The following DENND5B variants were observed in gnomAD, a reference collection of about 807,000 sequenced individuals.
DENND5B encodes DENN domain containing 5B.
In DENND5B, 34 loss-of-function variants were observed where a neutral mutation model predicts 140.6. That is an observed-to-expected ratio of 0.24 (90% confidence interval 0.18 to 0.32). The LOEUF is 0.32. DENND5B is among the 10% of genes least tolerant of loss of function. DENND5B has a pLI of 1.00. For synonymous variants in DENND5B, 551 were observed against 562.1 expected, an observed-to-expected ratio of 0.98 and a Z score of 0.28; for missense variants, 1,142 against 1,560.2, an observed-to-expected ratio of 0.73 and a Z score of 4.52.
At chr12:31,523,828 G>A (rs1177500329) in intron 1 of DENND5B, among the ~76,000 whole-genome samples, 18 of 152,194 alleles carry the variant, frequency 1.2e-4, no homozygotes, top group Admixed American at 1.2e-3. Context: ...CCCAAGAATA[G>A]ATCTTGAATC....
At chr12:31,413,377 A>T in intron 13 of DENND5B, 59 bp downstream of exon 13, 10 of 1,569,998 alleles carry the variant, frequency 6.4e-6, no homozygotes, top group Non-Finnish European at 8.7e-6. Context: ...AGTTTATGCA[A>T]CTTGTTTTGT....
chr12:31,423,712 T>A, intron 10 of DENND5B, 37 bp from the exon 11 acceptor site: 1 of 1,588,376 alleles, frequency 6.3e-7, no homozygotes, highest in Non-Finnish European at 8.6e-7. Flanking sequence ...TCATAAGAAA[T>A]AATTCATCAA....
intron 1 of DENND5B, among the ~76,000 whole-genome samples, chr12:31,574,527 T>G (rs1364563008): frequency 6.7e-6 from 1 of 150,264 alleles, no homozygotes; most frequent in Non-Finnish European, 1.5e-5. Flanking sequence ...GAGGCGGAGG[T>G]TGCAGTGAGC....
At chr12:31,550,430 T>C (rs541351571) in intron 1 of DENND5B, among the ~76,000 whole-genome samples, 1 of 152,110 alleles carries the variant, frequency 6.6e-6, no homozygotes, top group Non-Finnish European at 1.5e-5. Flanking sequence ...TTCCATGGTG[T>C]ATATGTGCCA....
chr12:31,528,426 C>G (rs2139060463), intron 1 of DENND5B, among the ~76,000 whole-genome samples: 1 of 152,272 alleles, frequency 6.6e-6, no homozygotes, highest in East Asian at 1.9e-4. Context: ...TGAATCACAT[C>G]TGTAAAGATA....
chr12:31,579,964 A>T (rs1300564517), intron 1 of DENND5B, among the ~76,000 whole-genome samples: 8 of 145,882 alleles, frequency 5.5e-5, no homozygotes, highest in South Asian at 2.1e-4. Flanking sequence ...AACAGAAAAA[A>T]ATATATATAA....
At chr12:31,588,583 T>C (rs1242161823) in intron 1 of DENND5B, among the ~76,000 whole-genome samples, 3 of 152,176 alleles carry the variant, frequency 2.0e-5, no homozygotes, top group Non-Finnish European at 4.4e-5. Context: ...TTGTAAGTAA[T>C]CTAGAGATGA....
At chr12:31,423,512 G>A in intron 11 of DENND5B, 85 bp downstream of exon 11, 1 of 1,371,074 alleles carries the variant, frequency 7.3e-7, no homozygotes, top group Non-Finnish European at 1.0e-6. Flanking sequence ...TTTAGCTTGA[G>A]AGAGAAAGAG....
chr12:31,433,063 C>T (rs775705646), intron 8 of DENND5B, 92 bp downstream of exon 8: 1 of 1,055,466 alleles, frequency 9.5e-7, no homozygotes, highest in Non-Finnish European at 1.4e-6. Flanking sequence ...TTTTAAAGAA[C>T]ATTAAGAATC....
chr12:31,467,713 A>T (rs1476523136), intron 3 of DENND5B, among the ~76,000 whole-genome samples: 1 of 152,236 alleles, frequency 6.6e-6, no homozygotes, highest in Non-Finnish European at 1.5e-5. Context: ...ATTAAAACTG[A>T]ACAATCATAA....
chr12:31,447,521 A>G lies in DENND5B; in HGVS notation c.1861+17T>C. 1 of 1,581,620 alleles carries G rather than the reference A, an allele frequency of 6.3e-7. No homozygotes were observed. Among genetic ancestry groups the G allele is most frequent in the Non-Finnish European group, 8.6e-7 (1 of 1,161,776 alleles). ...ATAATGGATTTTAATTTAATTTAAA[A>G]GGCATGGCAAATGTACCTGCTTCTT... On this transcript the variant is annotated intron_variant, in intron 6 of 20. Coordinates refer to ENST00000389082, the MANE Select transcript of DENND5B (RefSeq NM_144973.4).
chr12:31,398,764 G>A (rs892403149), intron 16 of DENND5B, among the ~76,000 whole-genome samples: 4 of 151,766 alleles, frequency 2.6e-5, no homozygotes, highest in African/African-American at 9.7e-5. Flanking sequence ...TTTTTTCTGA[G>A]AGTTATATTA....
intron 2 of DENND5B, 69 bp from the exon 3 acceptor site, chr12:31,480,324 G>GCT: frequency 7.4e-7 from 1 of 1,359,526 alleles, no homozygotes; most frequent in South Asian, 1.7e-5. Context: ...AATAAATGTT[G>GCT]TTTTTTTAAC....
chr12:31,418,948 G>A (rs1043052978), intron 11 of DENND5B, among the ~76,000 whole-genome samples: 40 of 152,116 alleles, frequency 2.6e-4, no homozygotes, highest in African/African-American at 9.4e-4. Flanking sequence ...AATTCCTGTT[G>A]TTTAAACCAC....
chr12:31,518,384 C>A (rs1386935644), intron 1 of DENND5B, among the ~76,000 whole-genome samples: 2 of 152,172 alleles, frequency 1.3e-5, no homozygotes, highest in African/African-American at 4.8e-5. Context: ...AAAGACAGAG[C>A]TGAGGCTTGA....
At chr12:31,582,788 G>A (rs1250477452) in intron 1 of DENND5B, among the ~76,000 whole-genome samples, 1 of 152,154 alleles carries the variant, frequency 6.6e-6, no homozygotes, top group Non-Finnish European at 1.5e-5. Context: ...TGACGATAAG[G>A]TTACCCATTT....
chr12:31,453,185 G>T (rs1679322848), intron 4 of DENND5B, among the ~76,000 whole-genome samples: 1 of 152,158 alleles, frequency 6.6e-6, no homozygotes, highest in African/African-American at 2.4e-5. Context: ...TATACCTAAT[G>T]CAGGAGGCAG....
rs569126486 is a variant in DENND5B at position 31,397,801 on chromosome 12, G to A, written c.3256+374C>T. ...TAGCCAGGTGTGATGTTGTGTGCCTGTAGTCCCAGCTACTTGGAAAGCTGA... is the reference window on the plus strand; with the variant it reads ...TAGCCAGGTGTGATGTTGTGTGCCTATAGTCCCAGCTACTTGGAAAGCTGA... On this transcript the variant is annotated intron_variant, in intron 17 of 20. Transcript: ENST00000389082. Among the ~76,000 whole-genome samples the A allele has an allele frequency of 6.1e-4, 80 of 131,298 alleles. 1 individual carries two copies. Among genetic ancestry groups the A allele is most frequent in the African/African-American group, 2.0e-3 (77 of 38,846 alleles). 86.1% of individuals were successfully genotyped at this position (131,298 alleles called of 152,430 possible).
At chr12:31,576,369 C>T (rs541650386) in intron 1 of DENND5B, among the ~76,000 whole-genome samples, 2 of 151,598 alleles carry the variant, frequency 1.3e-5, no homozygotes, top group African/African-American at 2.4e-5. Context: ...ATCAGAATCG[C>T]TTGAACCCGG....
Sources: gnomAD v4.1 joint callset for allele counts (sites outside exome capture counted in the v4.1 genomes callset) on GRCh38, gnomAD v4.1.1 for gene constraint, MANE v1.5 for transcripts, NCBI Gene and HGNC (gene_info 2026-07-23, HGNC 2026-07-21) for gene names.